DPP6: variants seen among roughly 807,000 people sequenced by gnomAD.
The protein encoded by DPP6 is dipeptidyl peptidase like 6.
A neutral mutation model predicts 122.6 loss-of-function variants in DPP6; 69 were observed. That is an observed-to-expected ratio of 0.56 (90% CI 0.46 to 0.69). The LOEUF (loss-of-function observed/expected upper bound fraction) is 0.69, where lower values mean the gene tolerates loss of function less well. Ranked by LOEUF, DPP6 falls within the 30% of genes least tolerant of loss-of-function variation. The probability of loss-of-function intolerance (pLI) is 0.00; values close to 1 mark genes in which losing one functional copy is unlikely to be tolerated. For synonymous variants in DPP6, 418 were observed against 433.1 expected (o/e 0.97, Z 0.43); for missense variants, 928 against 1,116.9 (o/e 0.83, Z 2.41).
chr7:153,940,499 A>C (rs1165041517), intron 1 of DPP6, among the ~76,000 whole-genome samples: 1 of 152,064 alleles, frequency 6.6e-6, no homozygotes, highest in Non-Finnish European at 1.5e-5. Context: ...GGTGGGCCCT[A>C]ATTTTATAGC....
Position 154,801,204 on chromosome 7 carries a change from T to G in DPP6, c.1300-151T>G, listed in dbSNP as rs6942962. ...GTTGACTCATGATTCCCGAGGAAAGTGACGGCCTCATCAAGCACTTATTAT... is the reference window on the plus strand; with the variant it reads ...GTTGACTCATGATTCCCGAGGAAAGGGACGGCCTCATCAAGCACTTATTAT... On this transcript the variant is annotated intron_variant, in intron 12 of 25. Coordinates refer to ENST00000377770, the MANE Select transcript of DPP6 (RefSeq NM_130797.4). 71 of 1,090,856 alleles carry G rather than the reference T, an allele frequency of 6.5e-5. No individual in the cohort carries two copies. In the African/African-American group the frequency reaches 1.1e-3, roughly 17 times the overall value. 67.6% of individuals were successfully genotyped at this position (1,090,856 alleles called of 1,614,324 possible).
intron 4 of DPP6, among the ~76,000 whole-genome samples, chr7:154,554,024 A>T (rs559137804): frequency 6.3e-4 from 96 of 151,946 alleles, no homozygotes; most frequent in Non-Finnish European, 1.3e-3. Flanking sequence ...CTATTTAATC[A>T]TCTTTCCACT....
At chr7:154,258,479 C>T (rs1011250078) in intron 1 of DPP6, among the ~76,000 whole-genome samples, 6 of 152,120 alleles carry the variant, frequency 3.9e-5, no homozygotes, top group South Asian at 2.1e-4. Context: ...GGGAGGCTGA[C>T]GTTGTTATAG....
intron 7 of DPP6, among the ~76,000 whole-genome samples, chr7:154,710,697 A>G (rs572356395): frequency 5.9e-5 from 9 of 152,344 alleles, no homozygotes; most frequent in African/African-American, 1.9e-4. Flanking sequence ...AGGGTCTTCT[A>G]AAAGGTACGT....
At chr7:153,971,282 C>A (rs1796002418) in intron 1 of DPP6, among the ~76,000 whole-genome samples, 1 of 151,808 alleles carries the variant, frequency 6.6e-6, no homozygotes, top group Non-Finnish European at 1.5e-5. Context: ...GACTTTTTAT[C>A]CTACAAATTT....
the DPP6 span, among the ~76,000 whole-genome samples, chr7:153,777,800 G>T: frequency 7.3e-6 from 1 of 137,236 alleles, no homozygotes; most frequent in East Asian, 2.0e-4. Flanking sequence ...AAATCATTCT[G>T]TATTAAAATC....
chr7:153,920,417 G>A (rs2129008081), intron 1 of DPP6, among the ~76,000 whole-genome samples: 1 of 152,212 alleles, frequency 6.6e-6, no homozygotes, highest in East Asian at 1.9e-4. Context: ...TGATCTAAAA[G>A]GAAGAAAGAG....
chr7:153,815,891 A>G, the DPP6 span, among the ~76,000 whole-genome samples: 19 of 152,322 alleles, frequency 1.2e-4, no homozygotes, highest in South Asian at 4.2e-4. Flanking sequence ...AAATTAATAT[A>G]AATTAAGAGA....
chr7:153,835,926 G>A, the DPP6 span, among the ~76,000 whole-genome samples: 1 of 152,194 alleles, frequency 6.6e-6, no homozygotes, highest in African/African-American at 2.4e-5. Flanking sequence ...ACCAGTGCCA[G>A]TAGAGGTCTG....
chr7:154,361,006 C>T (rs554423488), intron 1 of DPP6, among the ~76,000 whole-genome samples: 5 of 151,832 alleles, frequency 3.3e-5, no homozygotes, highest in African/African-American at 9.7e-5. Flanking sequence ...TGAGAAGATC[C>T]GTATAATAAG....
At chr7:153,872,413 T>G in the DPP6 span, among the ~76,000 whole-genome samples, 1 of 152,212 alleles carries the variant, frequency 6.6e-6, no homozygotes, top group Non-Finnish European at 1.5e-5. Context: ...CAGTAAGAAC[T>G]GGCTCATTTA....
At chr7:154,005,681 G>A (rs935797066) in intron 1 of DPP6, among the ~76,000 whole-genome samples, 3 of 142,236 alleles carry the variant, frequency 2.1e-5, no homozygotes, top group Non-Finnish European at 3.1e-5. Context: ...GTCAAGAAAG[G>A]ATGGTTGCTG....
intron 15 of DPP6, among the ~76,000 whole-genome samples, chr7:154,806,057 T>C (rs1798675360): frequency 6.6e-6 from 1 of 152,244 alleles, no homozygotes; most frequent in African/African-American, 2.4e-5. Flanking sequence ...GCGGACAGGA[T>C]GAGGTCAGCA....
chr7:154,693,881 C>T (rs1840068803), intron 7 of DPP6, among the ~76,000 whole-genome samples: 3 of 152,134 alleles, frequency 2.0e-5, no homozygotes, highest in Non-Finnish European at 4.4e-5. Context: ...ACTCACAGCA[C>T]CCCTTGTGGT....
intron 1 of DPP6, among the ~76,000 whole-genome samples, chr7:153,951,363 A>T (rs534203884): frequency 1.5e-3 from 223 of 152,264 alleles, no homozygotes; most frequent in African/African-American, 4.9e-3. Context: ...TTCAGCTGAG[A>T]TTCCAGCGGG....
At chr7:154,727,721 A>C in intron 7 of DPP6, 46 bp from the exon 8 acceptor site, 1 of 1,549,988 alleles carries the variant, frequency 6.5e-7, no homozygotes, top group South Asian at 1.2e-5. Flanking sequence ...CCTATTTATA[A>C]CCACTTCCTT....
chr7:153,998,843 A>C (rs1797562912), intron 1 of DPP6, among the ~76,000 whole-genome samples: 1 of 152,260 alleles, frequency 6.6e-6, no homozygotes, highest in East Asian at 1.9e-4. Flanking sequence ...ACCCCAGACT[A>C]AAGTGCTAAG....
chr7:154,249,083 G>A (rs1051775252), intron 1 of DPP6, among the ~76,000 whole-genome samples: 30 of 152,186 alleles, frequency 2.0e-4, no homozygotes, highest in South Asian at 6.2e-4. Flanking sequence ...GGGGACTTAC[G>A]GGTGTTGAAA....
chr7:153,811,053 G>A, the DPP6 span, among the ~76,000 whole-genome samples: 3 of 151,824 alleles, frequency 2.0e-5, no homozygotes, highest in East Asian at 2.0e-4. Flanking sequence ...GTTGCTCAGC[G>A]CCTGCTGCTG....
Sources: allele counts gnomAD v4.1 joint callset (sites outside exome capture counted in the v4.1 genomes callset), GRCh38; gene constraint gnomAD v4.1.1; transcripts MANE v1.5; gene names NCBI Gene and HGNC (gene_info 2026-07-23, HGNC 2026-07-21).